SMG6: variants seen among roughly 807,000 people sequenced by gnomAD.
The protein encoded by SMG6 is telomerase-binding protein EST1A.
Under a neutral mutation model 142.2 loss-of-function variants are expected in SMG6, and 66 were observed. That is an observed-to-expected ratio of 0.46 (90% confidence interval 0.38 to 0.57). SMG6 has a LOEUF of 0.57. SMG6 is among the 20% of genes least tolerant of loss of function. SMG6 has a pLI of 0.00. For synonymous variants in SMG6, 779 were observed against 702.4 expected (o/e 1.11, Z -1.72); for missense variants, 1,793 against 1,832.0 (o/e 0.98, Z 0.39).
chr17:2,158,550 C>G (rs944151584), intron 13 of SMG6, among the ~76,000 whole-genome samples: 3 of 152,054 alleles, frequency 2.0e-5, no homozygotes, highest in African/African-American at 7.2e-5. Flanking sequence ...CCTTCAAAAG[C>G]CTTTGTCCTA....
At position 2,175,067 on chromosome 17, in the gene SMG6, TGG is replaced by T. The variant is rs1486537282; in HGVS notation, c.3156-2210_3156-2209del. ...CCGCCTCCGAGGTTAGTGCTGCCCA[TGG>T]GAGACGCACAGGGAGGCTCTTCCAG... On this transcript the variant is annotated intron_variant, in intron 12 of 18. Coordinates refer to ENST00000263073, the MANE Select transcript of SMG6 (RefSeq NM_017575.5). Among the ~76,000 whole-genome samples, 7 of 152,280 alleles carry T rather than the reference TGG, an allele frequency of 4.6e-5. No homozygotes were observed. In the South Asian group the frequency reaches 1.4e-3, roughly 32 times the overall value.
At chr17:2,259,787 C>A (rs1209605519) in intron 8 of SMG6, among the ~76,000 whole-genome samples, 3 of 151,994 alleles carry the variant, frequency 2.0e-5, no homozygotes, top group African/African-American at 7.3e-5. Flanking sequence ...ACCTACCTAA[C>A]GCCATACAGG....
In SMG6 at chr17:2,186,648, G is replaced by A. The variant is rs764139873; in HGVS notation, c.3155+15C>T. Reference sequence around the variant, plus strand: ...CCAAGCCAGTGGTGCTGAAGCAATGGGCAGGTCAACTCACTGCGAGGGCAG... The same window carrying A: ...CCAAGCCAGTGGTGCTGAAGCAATGAGCAGGTCAACTCACTGCGAGGGCAG... On this transcript the variant is annotated intron_variant, in intron 12 of 18. Coordinates refer to ENST00000263073, the MANE Select transcript of SMG6 (RefSeq NM_017575.5). The A allele has an allele frequency of 3.1e-6, 5 of 1,613,904 alleles. No homozygotes were observed. The highest frequency in any genetic ancestry group is 1.7e-4 in the Middle Eastern group (1 of 6,042).
rs1441708774 is a variant in SMG6, at chr17:2,277,167, TTTTTA to T, written c.2661+5475_2661+5479del. ...TTTATTTATTTATTTATTTATTTAT[TTTTTA>T]TTTTTTTTTTTTTTGAGACAGAGTC... is the stretch of plus-strand genomic sequence containing the variant. On this transcript the variant is annotated intron_variant, in intron 8 of 18. Transcript: ENST00000263073. 1.5e-3 allele frequency among the ~76,000 whole-genome samples: 87 copies of T among 56,196 alleles called. 1 individual carries two copies. Among genetic ancestry groups the T allele is most frequent in the African/African-American group, 2.8e-3 (49 of 17,572 alleles). The allele number at this position is 56,196 out of a possible 152,430, so 36.9% of individuals were successfully genotyped here.
At chr17:2,121,587 C>CTGTGTG (rs71150850) in intron 13 of SMG6, among the ~76,000 whole-genome samples, 193 of 139,842 alleles carry the variant, frequency 1.4e-3, no homozygotes, top group South Asian at 5.1e-3. Flanking sequence ...ACATGTCTGT[C>CTGTGTG]TGTGTGTGTG....
chr17:2,136,720 C>T (rs905974293), intron 13 of SMG6, among the ~76,000 whole-genome samples: 3 of 151,488 alleles, frequency 2.0e-5, no homozygotes, highest in Non-Finnish European at 4.4e-5. Context: ...AAGGCCTCAC[C>T]TTTTTTTCCT....
rs532997926 is a variant in SMG6, at chr17:2,126,715, CAAAAAA to C, written c.3358-40820_3358-40815del. On this transcript the variant is annotated intron_variant, in intron 13 of 18. Coordinates refer to ENST00000263073, the MANE Select transcript of SMG6 (RefSeq NM_017575.5). ...TGGGCAACAGAGTGAGGCTCAGTTTCAAAAAAAAAAAAAAAAAAGCAAACTGGACTT... is the reference window on the plus strand; with the variant it reads ...TGGGCAACAGAGTGAGGCTCAGTTTCAAAAAAAAAAAAGCAAACTGGACTT... 1.5e-3 allele frequency among the ~76,000 whole-genome samples: 102 copies of C among 66,108 alleles called. 1 individual carries two copies. Among genetic ancestry groups the C allele is most frequent in the Non-Finnish European group, 2.9e-3 (89 of 31,062 alleles). 43.4% of individuals were successfully genotyped at this position (66,108 alleles called of 152,430 possible). A position where few individuals can be genotyped will look rare whatever the true frequency, so the allele number is the denominator to read the frequency against.
chr17:2,186,317 C>T (rs1187152023), intron 12 of SMG6, among the ~76,000 whole-genome samples: 2 of 150,684 alleles, frequency 1.3e-5, no homozygotes, highest in East Asian at 3.9e-4. Context: ...CAAAGTCTCA[C>T]ACACACATAT....
Position 2,068,552 on chromosome 17 carries a change from G to C in SMG6, c.3835+226C>G, listed in dbSNP as rs921625308. Among the ~76,000 whole-genome samples, 3 of 152,216 alleles carry C rather than the reference G, an allele frequency of 2.0e-5. No individual in the cohort carries two copies. The highest frequency in any genetic ancestry group is 7.2e-5 in the African/African-American group (3 of 41,454). ...GCAGCCTCTGGTTGCTGGGACACAG[G>C]AGTCCATTTGCTCAAGCAGTTTAAG... On this transcript the variant is annotated intron_variant, in intron 16 of 18. Coordinates refer to ENST00000263073, the MANE Select transcript of SMG6 (RefSeq NM_017575.5). The surrounding 1 kb of genome is among the most constrained non-coding windows in gnomAD (Gnocchi z 6.7).
intron 8 of SMG6, among the ~76,000 whole-genome samples, chr17:2,278,683 T>C (rs1412213371): frequency 6.6e-6 from 1 of 152,166 alleles, no homozygotes; most frequent in Admixed American, 6.5e-5. Flanking sequence ...AGTACCTAAA[T>C]GACTAATGTT....
At chr17:2,301,393 A>G (rs1039554981) in intron 1 of SMG6, among the ~76,000 whole-genome samples, 1 of 152,202 alleles carries the variant, frequency 6.6e-6, no homozygotes, top group East Asian at 1.9e-4. Context: ...AGACTATCAT[A>G]CTAGAATACT....
chr17:2,252,898 G>A (rs907345532), intron 8 of SMG6, among the ~76,000 whole-genome samples: 1 of 151,554 alleles, frequency 6.6e-6, no homozygotes, highest in Non-Finnish European at 1.5e-5. Flanking sequence ...AGCTAAGAAT[G>A]GTTTTTACAT....
intron 15 of SMG6, among the ~76,000 whole-genome samples, chr17:2,080,640 C>CTT (rs796298262): frequency 4.2e-5 from 6 of 144,268 alleles, no homozygotes; most frequent in Admixed American, 6.9e-5. Context: ...TTTCTTTTTT[C>CTT]TTTTTTTTTT....
rs962064096 is a variant in SMG6 at position 2,060,515 on chromosome 17, G to C, written c.*977C>G. 6.6e-6 allele frequency: 1 copy of C among 152,290 alleles called. No homozygotes were observed. The highest frequency in any genetic ancestry group is 2.1e-4 in the South Asian group (1 of 4,840). The allele number at this position is 152,290 out of a possible 1,614,324, so 9.4% of individuals were successfully genotyped here. A position where few individuals can be genotyped will look rare whatever the true frequency, so the allele number is the denominator to read the frequency against. On this transcript the variant is annotated 3_prime_UTR_variant, in exon 19 of 19. Coordinates refer to ENST00000263073, the MANE Select transcript of SMG6 (RefSeq NM_017575.5). Reference sequence around the variant, plus strand: ...CTGCCATGGGTAGTAGAGAGGGAAAGTTCAGAGTGAGAACCCCTATGACGA... The same window carrying C: ...CTGCCATGGGTAGTAGAGAGGGAAACTTCAGAGTGAGAACCCCTATGACGA...
rs762390067 is a variant in SMG6 at position 2,297,318 on chromosome 17, C to A, written c.2076G>T (p.Leu692=). 6.8e-6 allele frequency: 11 copies of A among 1,612,744 alleles called. No homozygotes were observed. The highest frequency in any genetic ancestry group is 9.3e-6 in the Non-Finnish European group (11 of 1,179,430). ...SDFFDSLLQK[L]QVTYKFKLED... is the part of the protein sequence containing the mutation. Reference sequence around the variant, plus strand: ...CCAGTTTGAACTTGTAAGTAACCTGCAGCTTCTGAAGCAAACTATCAAAGA... The same window carrying A: ...CCAGTTTGAACTTGTAAGTAACCTGAAGCTTCTGAAGCAAACTATCAAAGA... The change falls in exon 4 of 19, where the codon CTG becomes CTT. Residue 692 remains leucine (L), a synonymous_variant. Transcript: ENST00000263073.
rs544802038 is a variant in SMG6 at position 2,264,856 on chromosome 17, C to T, written c.2661+17791G>A. ...GGCGAAGGTTGCAGTGAGCTGAGAT[C>T]GCGCCACTGCATTCCAGCCTGGGTG... On this transcript the variant is annotated intron_variant, in intron 8 of 18. Coordinates refer to ENST00000263073, the MANE Select transcript of SMG6 (RefSeq NM_017575.5). 1.8e-3 allele frequency among the ~76,000 whole-genome samples: 265 copies of T among 150,718 alleles called. 1 individual carries two copies. Among genetic ancestry groups the T allele is most frequent in the South Asian group, 0.013 (61 of 4,734 alleles).
At chr17:2,126,715 C>CA (rs532997926) in intron 13 of SMG6, among the ~76,000 whole-genome samples, 8,074 of 65,838 alleles carry the variant, frequency 0.12, 317 homozygotes, top group Admixed American at 0.15. Flanking sequence ...GGCTCAGTTT[C>CA]AAAAAAAAAA....
chr17:2,127,342 G>A, intron 13 of SMG6: 1 of 508,266 alleles, frequency 2.0e-6, no homozygotes, highest in Non-Finnish European at 3.8e-6. Flanking sequence ...CACTGTGAAT[G>A]TACTTAATGC....
intron 13 of SMG6, chr17:2,088,082 C>T: frequency 1.0e-6 from 1 of 985,492 alleles, no homozygotes. Context: ...TTGTCCTTGG[C>T]CTCACCTGGA....
Sources: allele counts gnomAD v4.1 joint callset (sites outside exome capture counted in the v4.1 genomes callset), GRCh38; gene constraint gnomAD v4.1.1; non-coding constraint Gnocchi (gnomAD v3.1); transcripts MANE v1.5; gene names NCBI Gene and HGNC (gene_info 2026-07-23, HGNC 2026-07-21).